Variants in SGCZ observed in about 807,000 individuals in gnomAD.
SGCZ encodes the protein zeta-sarcoglycan.
In SGCZ, 40 loss-of-function variants were observed where a neutral mutation model predicts 41.3. The ratio of observed to expected loss-of-function variants is 0.97; its 90% CI spans 0.75 to 1.26. The LOEUF is 1.26. SGCZ is among the 50% of genes most tolerant of loss of function. The pLI, the probability that SGCZ is intolerant of heterozygous loss-of-function variation, is 0.00. For synonymous variants in SGCZ, 206 were observed against 137.5 expected, an observed-to-expected ratio of 1.50 and a Z score of -3.49; for missense variants, 552 against 369.8, an observed-to-expected ratio of 1.49 and a Z score of -4.04.
At chr8:14,831,434 G>T (rs1802522124) in intron 1 of SGCZ, among the ~76,000 whole-genome samples, 1 of 152,148 alleles carries the variant, frequency 6.6e-6, no homozygotes, top group African/African-American at 2.4e-5. Context: ...GCTGTCTCCT[G>T]GATGCTCATA....
chr8:14,239,901 CAAAAAAAA>C lies in SGCZ; in HGVS notation c.337-2230_337-2223del, dbSNP rs71209029. 1.2e-4 allele frequency among the ~76,000 whole-genome samples: 5 copies of C among 41,370 alleles called. No homozygotes were observed. The East Asian group carries it at 3.1e-3, about 26-fold the overall frequency. 27.1% of individuals were successfully genotyped at this position (41,370 alleles called of 152,430 possible). A position where few individuals can be genotyped will look rare whatever the true frequency, so the allele number is the denominator to read the frequency against. ...TGGGCGACAGAGCGAGACTCCGTCT[CAAAAAAAA>C]AAAAAAAAAAAAAAAAAAAAAAAAA... On this transcript the variant is annotated intron_variant, in intron 3 of 7. Transcript: ENST00000382080.
At chr8:14,862,758 G>C (rs1028650289) in intron 1 of SGCZ, among the ~76,000 whole-genome samples, 2 of 151,696 alleles carry the variant, frequency 1.3e-5, no homozygotes, top group Non-Finnish European at 2.9e-5. Flanking sequence ...TCACATCTTT[G>C]TGTACTGACG....
rs185741041 is a variant in SGCZ at position 14,686,906 on chromosome 8, T to A, written c.40-131980A>T. ...TAAACGAACAAACCATCATTAACAT[T>A]TTCAAACTGGGTCCCTGAATTGTAC... is the stretch of plus-strand genomic sequence containing the variant. On this transcript the variant is annotated intron_variant, in intron 1 of 7. Transcript: ENST00000382080. 1.6e-4 allele frequency among the ~76,000 whole-genome samples: 24 copies of A among 152,062 alleles called. 1 individual carries two copies. The highest frequency in any genetic ancestry group is 5.8e-4 in the African/African-American group (24 of 41,502).
At chr8:14,763,969 C>A (rs1799965814) in intron 1 of SGCZ, among the ~76,000 whole-genome samples, 1 of 152,152 alleles carries the variant, frequency 6.6e-6, no homozygotes, top group African/African-American at 2.4e-5. Context: ...GTTATGGGTA[C>A]ACCTGGTGTT....
intron 2 of SGCZ, among the ~76,000 whole-genome samples, chr8:14,403,568 T>C (rs991822747): frequency 1.3e-5 from 2 of 152,180 alleles, no homozygotes; most frequent in Non-Finnish European, 2.9e-5. Flanking sequence ...TGTCTTTGGC[T>C]CTGTTTATAT....
chr8:14,722,843 T>G (rs1809932032), intron 1 of SGCZ, among the ~76,000 whole-genome samples: 1 of 152,168 alleles, frequency 6.6e-6, no homozygotes, highest in Non-Finnish European at 1.5e-5. Context: ...TATATAAGTA[T>G]GTACACAGGG....
intron 4 of SGCZ, among the ~76,000 whole-genome samples, chr8:14,175,671 C>A (rs1804520975): frequency 6.6e-6 from 1 of 151,770 alleles, no homozygotes; most frequent in Non-Finnish European, 1.5e-5. Flanking sequence ...AAAAATGCTA[C>A]AAGGCAAGAG....
chr8:14,668,701 C>T (rs1351241792), intron 1 of SGCZ, among the ~76,000 whole-genome samples: 1 of 152,148 alleles, frequency 6.6e-6, no homozygotes, highest in African/African-American at 2.4e-5. Flanking sequence ...CACAGAACAG[C>T]AGAAAGGCTA....
At chr8:14,925,008 C>T (rs1343904962) in intron 1 of SGCZ, among the ~76,000 whole-genome samples, 3 of 151,948 alleles carry the variant, frequency 2.0e-5, no homozygotes, top group Admixed American at 1.3e-4. Flanking sequence ...CAGGTGCGGG[C>T]CTCAATGCCC....
intron 3 of SGCZ, among the ~76,000 whole-genome samples, chr8:14,321,500 A>G (rs1456678091): frequency 6.6e-6 from 1 of 151,684 alleles, no homozygotes; most frequent in African/African-American, 2.4e-5. Flanking sequence ...ACATCTCTTT[A>G]TTATCTTTCC....
chr8:14,216,431 A>G (rs1364700237), intron 4 of SGCZ, among the ~76,000 whole-genome samples: 1 of 152,154 alleles, frequency 6.6e-6, no homozygotes, highest in Non-Finnish European at 1.5e-5. Context: ...TAACAAATCT[A>G]CACAAAGACA....
At chr8:14,714,256 C>A (rs1001513059) in intron 1 of SGCZ, among the ~76,000 whole-genome samples, 1 of 152,030 alleles carries the variant, frequency 6.6e-6, no homozygotes, top group Admixed American at 6.6e-5. Flanking sequence ...CATGAGCCAC[C>A]GTGTCCGACC....
At chr8:14,206,909 G>C (rs1157290503) in intron 4 of SGCZ, among the ~76,000 whole-genome samples, 4 of 152,076 alleles carry the variant, frequency 2.6e-5, no homozygotes, top group Non-Finnish European at 5.9e-5. Flanking sequence ...AATAGACCTG[G>C]TGGCCTTCAA....
chr8:14,935,804 C>T (rs996169383), intron 1 of SGCZ, among the ~76,000 whole-genome samples: 7 of 151,228 alleles, frequency 4.6e-5, no homozygotes, highest in African/African-American at 7.3e-5. Context: ...TTAAGATAGA[C>T]GAAAGATCAA....
At chr8:14,721,743 T>G (rs555734263) in intron 1 of SGCZ, among the ~76,000 whole-genome samples, 5 of 152,334 alleles carry the variant, frequency 3.3e-5, no homozygotes, top group Non-Finnish European at 5.9e-5. Flanking sequence ...CATTTAAATC[T>G]TCTGTTCAAA....
At chr8:14,950,404 T>G (rs1800595250) in intron 1 of SGCZ, among the ~76,000 whole-genome samples, 1 of 151,916 alleles carries the variant, frequency 6.6e-6, no homozygotes, top group Non-Finnish European at 1.5e-5. Flanking sequence ...TTGTTCAGTC[T>G]TCTCCCCTCT....
chr8:14,424,367 A>T (rs1454232060), intron 2 of SGCZ, among the ~76,000 whole-genome samples: 1 of 152,196 alleles, frequency 6.6e-6, no homozygotes, highest in African/African-American at 2.4e-5. Context: ...GCTTTCAAAG[A>T]GGTGATTCAC....
chr8:14,509,767 G>A (rs1802414809), intron 2 of SGCZ, among the ~76,000 whole-genome samples: 1 of 152,086 alleles, frequency 6.6e-6, no homozygotes. Context: ...CATGACTTGG[G>A]AGGCCTCGGG....
intron 2 of SGCZ, among the ~76,000 whole-genome samples, chr8:14,341,504 C>G (rs1293875806): frequency 6.6e-6 from 1 of 152,044 alleles, no homozygotes; most frequent in Non-Finnish European, 1.5e-5. Context: ...TCATTTTGAG[C>G]TAGCTAGGTT....
Sources: allele counts gnomAD v4.1 joint callset (sites outside exome capture counted in the v4.1 genomes callset), GRCh38; gene constraint gnomAD v4.1.1; transcripts MANE v1.5; gene names NCBI Gene and HGNC (gene_info 2026-07-23, HGNC 2026-07-21).